The following FAM227B variants were observed in gnomAD, a reference collection of about 807,000 sequenced individuals.
FAM227B encodes the protein family with sequence similarity 227 member B.
Under a neutral mutation model 73.8 loss-of-function variants are expected in FAM227B, and 88 were observed. The observed-to-expected ratio is 1.19, with a 90% CI of 1.00 to 1.42. FAM227B has a LOEUF of 1.42. Ranked by LOEUF, FAM227B falls within the 40% of genes most tolerant of loss-of-function variation. The pLI is 0.00. For missense variants in FAM227B, 632 were observed against 590.9 expected (o/e 1.07, Z -0.72); for synonymous variants, 210 against 190.5 (o/e 1.10, Z -0.84).
intron 11 of FAM227B, among the ~76,000 whole-genome samples, chr15:49,498,364 A>G (rs2057810030): frequency 6.6e-6 from 1 of 152,190 alleles, no homozygotes; most frequent in Admixed American, 6.5e-5. Context: ...ACATAAAAGG[A>G]TTACTCATTT....
chr15:49,556,039 T>A (rs963241919), intron 9 of FAM227B, among the ~76,000 whole-genome samples: 4 of 152,208 alleles, frequency 2.6e-5, no homozygotes, highest in African/African-American at 4.8e-5. Context: ...TTATTATCGA[T>A]GCATATTTGA....
chr15:49,424,313 C>G lies in FAM227B; in HGVS notation c.1013-52914G>C, dbSNP rs761458494. 3 of 1,613,312 alleles carry G rather than the reference C, an allele frequency of 1.9e-6. No individual in the cohort carries two copies. In the South Asian group the frequency reaches 3.3e-5, roughly 18 times the overall value. On this transcript the variant is annotated intron_variant, in intron 11 of 15. Transcript: ENST00000299338. ...CTACACTATAATGCACAAATGGATACTGACATGGATCCTGCCAACTTTGCT... is the reference window on the plus strand; with the variant it reads ...CTACACTATAATGCACAAATGGATAGTGACATGGATCCTGCCAACTTTGCT...
chr15:49,346,615 T>G (rs1051611879), intron 13 of FAM227B, among the ~76,000 whole-genome samples: 1 of 152,196 alleles, frequency 6.6e-6, no homozygotes, highest in African/African-American at 2.4e-5. Context: ...GATAACAGAA[T>G]GAAGCTTCAG....
At chr15:49,597,107 C>T (rs2076930901) in intron 3 of FAM227B, among the ~76,000 whole-genome samples, 1 of 151,796 alleles carries the variant, frequency 6.6e-6, no homozygotes, top group South Asian at 2.1e-4. Flanking sequence ...TAAACTATAC[C>T]CTACAACAAA....
intron 11 of FAM227B, among the ~76,000 whole-genome samples, chr15:49,469,617 A>G (rs1269949452): frequency 6.6e-6 from 1 of 152,142 alleles, no homozygotes; most frequent in Non-Finnish European, 1.5e-5. Flanking sequence ...AAATAATTCA[A>G]TAAAGTATTT....
chr15:49,534,849 G>T (rs919523045), intron 10 of FAM227B, among the ~76,000 whole-genome samples: 1 of 151,538 alleles, frequency 6.6e-6, no homozygotes, highest in Non-Finnish European at 1.5e-5. Flanking sequence ...TGGCCAATGG[G>T]TCAAAGAAGA....
At chr15:49,438,765 T>C (rs2051338591) in intron 11 of FAM227B, among the ~76,000 whole-genome samples, 1 of 151,590 alleles carries the variant, frequency 6.6e-6, no homozygotes, top group Non-Finnish European at 1.5e-5. Context: ...AAATATAAAT[T>C]GAAGAGAGGT....
chr15:49,580,395 T>C (rs1202763515), intron 5 of FAM227B, among the ~76,000 whole-genome samples: 1 of 152,118 alleles, frequency 6.6e-6, no homozygotes, highest in Non-Finnish European at 1.5e-5. Context: ...TGCCAATACA[T>C]GCCCCGATAA....
chr15:49,541,860 T>G (rs956748090), intron 9 of FAM227B, 54 bp from the exon 10 acceptor site: 44 of 1,191,538 alleles, frequency 3.7e-5, no homozygotes, highest in Middle Eastern at 3.0e-4. Flanking sequence ...TTTTAATATA[T>G]GTCAGCTGCC....
chr15:49,543,904 T>A (rs2071445633), intron 9 of FAM227B, among the ~76,000 whole-genome samples: 1 of 152,226 alleles, frequency 6.6e-6, no homozygotes. Flanking sequence ...AACATAGCCT[T>A]GTAGTATAGT....
intron 11 of FAM227B, among the ~76,000 whole-genome samples, chr15:49,401,028 C>T (rs2048100476): frequency 2.0e-5 from 3 of 152,288 alleles, no homozygotes; most frequent in South Asian, 4.1e-4. Context: ...AGAGCTTCTG[C>T]ACAGCAAAAG....
Position 49,508,318 on chromosome 15 carries a change from T to C in FAM227B, c.905A>G (p.His302Arg), listed in dbSNP as rs2058727575. ...GLKPQKGFWI[H>R]WKLKELSTTT... ...TGTGGAGAGTTCTTTCAGTTTCCAG[T>C]GGATCCAAAAGCCTTTTTGAGGTTT... The change falls in exon 11 of 16, where the codon CAC (histidine) becomes CGC (arginine). Residue 302 changes from histidine (H) to arginine (R), a missense_variant. Physicochemically the swap from His to Arg is conservative, Grantham distance 29. Transcript: ENST00000299338. 1 of 1,607,376 alleles carries C rather than the reference T, an allele frequency of 6.2e-7. No individual in the cohort carries two copies. Among genetic ancestry groups the C allele is most frequent in the Non-Finnish European group, 8.5e-7 (1 of 1,177,728 alleles).
chr15:49,450,311 C>T (rs1326762866), intron 11 of FAM227B, among the ~76,000 whole-genome samples: 1 of 152,016 alleles, frequency 6.6e-6, no homozygotes, highest in Non-Finnish European at 1.5e-5. Context: ...CTCTTTCTTC[C>T]AAATCTTGGA....
At chr15:49,446,312 A>G (rs983971124) in intron 11 of FAM227B, among the ~76,000 whole-genome samples, 1 of 151,626 alleles carries the variant, frequency 6.6e-6, no homozygotes, top group African/African-American at 2.4e-5. Context: ...AGTTCAATTC[A>G]GTACTCATAG....
intron 3 of FAM227B, among the ~76,000 whole-genome samples, chr15:49,600,102 T>A (rs1366510238): frequency 6.6e-6 from 1 of 152,182 alleles, no homozygotes; most frequent in African/African-American, 2.4e-5. Context: ...ACTGGGTGCA[T>A]ATATATTTAC....
chr15:49,405,209 G>T (rs1328078637), intron 11 of FAM227B, among the ~76,000 whole-genome samples: 2 of 152,122 alleles, frequency 1.3e-5, no homozygotes, highest in African/African-American at 2.4e-5. Context: ...CAACCTTAGA[G>T]AATCTGATGA....
At chr15:49,341,127 C>T (rs868749679) in intron 13 of FAM227B, among the ~76,000 whole-genome samples, 1 of 152,138 alleles carries the variant, frequency 6.6e-6, no homozygotes, top group Non-Finnish European at 1.5e-5. Context: ...GTCTATGTGT[C>T]TGTTGTTGTA....
At chr15:49,515,503 T>C (rs1335922374) in intron 10 of FAM227B, among the ~76,000 whole-genome samples, 1 of 152,188 alleles carries the variant, frequency 6.6e-6, no homozygotes, top group Non-Finnish European at 1.5e-5. Flanking sequence ...TCTTTTTCTA[T>C]GGCTTTTTTG....
At position 49,581,980 on chromosome 15, in the gene FAM227B, C is replaced by A. The variant is rs1028710123; in HGVS notation, c.406-4316G>T. On this transcript the variant is annotated intron_variant, in intron 5 of 15. Transcript: ENST00000299338. The stretch of plus-strand genomic sequence containing the variant: ...AAATGGGGCCAATCCATCTTGGGCA[C>A]CCCTTGGTCTGCTGGCCTCTCCCAG... 9.2e-5 allele frequency among the ~76,000 whole-genome samples: 14 copies of A among 152,314 alleles called. No homozygotes were observed. The East Asian group carries it at 2.7e-3, about 29-fold the overall frequency.
Sources: allele counts gnomAD v4.1 joint callset (sites outside exome capture counted in the v4.1 genomes callset), GRCh38; gene constraint gnomAD v4.1.1; transcripts MANE v1.5; gene names NCBI Gene and HGNC (gene_info 2026-07-23, HGNC 2026-07-21).